The following SPIDR variants were observed in gnomAD, a reference collection of about 807,000 sequenced individuals.
The protein encoded by SPIDR is DNA repair-scaffolding protein.
A neutral mutation model predicts 104.6 loss-of-function variants in SPIDR; 93 were observed. The observed-to-expected ratio is 0.89, with a 90% CI of 0.75 to 1.06. The LOEUF (loss-of-function observed/expected upper bound fraction) is 1.06, where lower values mean the gene tolerates loss of function less well. Ranked by LOEUF, SPIDR falls within the 50% of genes least tolerant of loss-of-function variation. SPIDR has a pLI of 0.00. For synonymous variants in SPIDR, 431 were observed against 416.9 expected, an observed-to-expected ratio of 1.03 and a Z score of -0.41; for missense variants, 1,154 against 1,111.2, an observed-to-expected ratio of 1.04 and a Z score of -0.55.
chr8:47,639,713 C>T (rs965611360), intron 10 of SPIDR, among the ~76,000 whole-genome samples: 2 of 152,002 alleles, frequency 1.3e-5, no homozygotes, highest in East Asian at 1.9e-4. Flanking sequence ...TCTGGGAGGC[C>T]GAGGCGGGTG....
At chr8:47,393,941 G>T (rs1397817251) in intron 5 of SPIDR, among the ~76,000 whole-genome samples, 1 of 149,110 alleles carries the variant, frequency 6.7e-6, no homozygotes, top group Non-Finnish European at 1.5e-5. Context: ...TTCTCACTCT[G>T]TCACCCAGGC....
At chr8:47,595,161 A>G (rs1308434994) in intron 8 of SPIDR, among the ~76,000 whole-genome samples, 4 of 152,042 alleles carry the variant, frequency 2.6e-5, no homozygotes, top group Admixed American at 2.6e-4. Flanking sequence ...GTTGTACTTA[A>G]TTAGAGGAAT....
At chr8:47,481,225 A>C (rs1173708687) in intron 8 of SPIDR, among the ~76,000 whole-genome samples, 1 of 152,234 alleles carries the variant, frequency 6.6e-6, no homozygotes, top group African/African-American at 2.4e-5. Flanking sequence ...TCGTCATTAC[A>C]TTCTGTTTAG....
chr8:47,511,916 C>T lies in SPIDR; in HGVS notation c.1097+71374C>T, dbSNP rs866017495. On this transcript the variant is annotated intron_variant, in intron 8 of 19. Transcript: ENST00000297423. Reference sequence around the variant, plus strand: ...TCCTCATCTTGGTCATGAGTGAGATCTCTAAAGGATGTCACTCTATTATCA... The same window carrying T: ...TCCTCATCTTGGTCATGAGTGAGATTTCTAAAGGATGTCACTCTATTATCA... 3.0e-5 allele frequency: 24 copies of T among 796,012 alleles called. 1 individual carries two copies. The Middle Eastern group carries it at 2.1e-3, about 69-fold the overall frequency. The allele number at this position is 796,012 out of a possible 1,614,324, so 49.3% of individuals were successfully genotyped here. A position where few individuals can be genotyped will look rare whatever the true frequency, so the allele number is the denominator to read the frequency against.
intron 5 of SPIDR, among the ~76,000 whole-genome samples, chr8:47,305,252 T>C (rs1459404949): frequency 6.6e-6 from 1 of 152,230 alleles, no homozygotes; most frequent in East Asian, 1.9e-4. Flanking sequence ...ATATACTTTA[T>C]GTAGTGACTC....
chr8:47,489,003 G>A (rs1310316625), intron 8 of SPIDR, among the ~76,000 whole-genome samples: 1 of 152,142 alleles, frequency 6.6e-6, no homozygotes, highest in Non-Finnish European at 1.5e-5. Flanking sequence ...TCTGGCCAGG[G>A]CAGTCAGGCA....
intron 5 of SPIDR, among the ~76,000 whole-genome samples, chr8:47,362,616 A>G (rs534100316): frequency 6.6e-6 from 1 of 152,346 alleles, no homozygotes; most frequent in Non-Finnish European, 1.5e-5. Flanking sequence ...TGTAAAGAGA[A>G]GGAATGAACA....
intron 8 of SPIDR, chr8:47,511,379 C>T (rs2082295483): frequency 5.3e-6 from 5 of 947,978 alleles, no homozygotes; most frequent in Non-Finnish European, 8.7e-6. Flanking sequence ...GTCTGACCCT[C>T]GCCAGTGAAG....
intron 5 of SPIDR, among the ~76,000 whole-genome samples, chr8:47,370,486 G>T (rs546120770): frequency 1.5e-5 from 2 of 129,562 alleles, no homozygotes; most frequent in African/African-American, 6.0e-5. Context: ...TTGCGCTGTC[G>T]CCCAGGCTGG....
intron 1 of SPIDR, among the ~76,000 whole-genome samples, 163 bp downstream of exon 1, chr8:47,261,154 C>T (rs1426260645): frequency 8.5e-5 from 13 of 152,146 alleles, no homozygotes; most frequent in African/African-American, 1.9e-4. Context: ...GGAGCAAGCC[C>T]GCGCAGTGGG....
chr8:47,735,465 T>A lies in SPIDR; in HGVS notation c.*15T>A. On this transcript the variant is annotated 3_prime_UTR_variant, in exon 20 of 20. Transcript: ENST00000297423. The stretch of plus-strand genomic sequence containing the variant: ...CAGAACACTAGCGGTTGCCGCAGGA[T>A]CTGTGAACTTTGCAATGTGGCTGCA... 6.2e-7 allele frequency: 1 copy of A among 1,614,056 alleles called. No homozygotes were observed. Among genetic ancestry groups the A allele is most frequent in the Non-Finnish European group, 8.5e-7 (1 of 1,180,034 alleles).
intron 1 of SPIDR, among the ~76,000 whole-genome samples, chr8:47,264,404 A>AT (rs1349340541): frequency 6.6e-6 from 1 of 152,138 alleles, no homozygotes; most frequent in Admixed American, 6.6e-5. Flanking sequence ...GATATGTGGT[A>AT]TTTAAGTCCC....
intron 16 of SPIDR, among the ~76,000 whole-genome samples, chr8:47,716,296 A>G (rs1340006140): frequency 1.3e-5 from 2 of 152,196 alleles, no homozygotes; most frequent in Non-Finnish European, 2.9e-5. Flanking sequence ...TTCCGAGCGT[A>G]ATGTCTAAGA....
At chr8:47,668,631 C>G (rs985340531) in intron 10 of SPIDR, among the ~76,000 whole-genome samples, 1 of 152,030 alleles carries the variant, frequency 6.6e-6, no homozygotes, top group Non-Finnish European at 1.5e-5. Flanking sequence ...ATAAGGATGC[C>G]CAGTCACTGG....
chr8:47,616,576 A>C (rs2154433314), intron 10 of SPIDR, among the ~76,000 whole-genome samples: 1 of 152,338 alleles, frequency 6.6e-6, no homozygotes, highest in East Asian at 1.9e-4. Flanking sequence ...CCTTCTTTGC[A>C]GTGATATTCT....
At chr8:47,406,214 A>G (rs1421364622) in intron 6 of SPIDR, among the ~76,000 whole-genome samples, 6 of 152,176 alleles carry the variant, frequency 3.9e-5, no homozygotes, top group Non-Finnish European at 1.5e-5. Flanking sequence ...ATCATTTTAA[A>G]TAATACTGTT....
intron 5 of SPIDR, among the ~76,000 whole-genome samples, chr8:47,378,983 T>C (rs1163290882): frequency 6.6e-6 from 1 of 152,192 alleles, no homozygotes; most frequent in Non-Finnish European, 1.5e-5. Context: ...GTCCTCCTAG[T>C]GTCCACATTG....
rs754534545 is a variant in SPIDR at position 47,735,375 on chromosome 8, C to T, written c.2673C>T (p.Thr891=). The T allele has an allele frequency of 5.6e-6, 9 of 1,613,752 alleles. No homozygotes were observed. The African/African-American group carries it at 1.1e-4, about 19-fold the overall frequency. ...TAAATTGTTTTGTCCAGTCCGTAACCGCCCACCCGACCAGCTGCATTGGAT... is the reference window on the plus strand; with the variant it reads ...TAAATTGTTTTGTCCAGTCCGTAACTGCCCACCCGACCAGCTGCATTGGAT... ...GLLNCFVQSV[T]AHPTSCIGLE... The change falls in exon 20 of 20, where the codon ACC becomes ACT. Residue 891 remains threonine (T), a synonymous_variant. Coordinates refer to ENST00000297423, the MANE Select transcript of SPIDR (RefSeq NM_001080394.4).
At chr8:47,270,607 T>A (rs2035107144) in intron 1 of SPIDR, among the ~76,000 whole-genome samples, 1 of 152,082 alleles carries the variant, frequency 6.6e-6, no homozygotes, top group Admixed American at 6.5e-5. Flanking sequence ...TTTTTTATAT[T>A]CTTTGTTGTT....
Sources: gnomAD v4.1 joint callset for allele counts (sites outside exome capture counted in the v4.1 genomes callset) on GRCh38, gnomAD v4.1.1 for gene constraint, MANE v1.5 for transcripts, NCBI Gene and HGNC (gene_info 2026-07-23, HGNC 2026-07-21) for gene names.